Variants in RAP1A observed in about 807,000 individuals in gnomAD.
The protein encoded by RAP1A is ras-related protein Rap-1A.
In RAP1A, 6 loss-of-function variants were observed where a neutral mutation model predicts 26.4. That is an observed-to-expected ratio of 0.23 (90% confidence interval 0.12 to 0.45). RAP1A has a LOEUF of 0.45. Ranked by LOEUF, RAP1A falls within the 20% of genes least tolerant of loss-of-function variation. The pLI, the probability that RAP1A is intolerant of heterozygous loss-of-function variation, is 0.99. For missense variants in RAP1A, 121 were observed against 217.2 expected, an observed-to-expected ratio of 0.56 and a Z score of 2.78; for synonymous variants, 73 against 79.4, an observed-to-expected ratio of 0.92 and a Z score of 0.43.
At chr1:111,689,205 T>C (rs1472431358) in intron 1 of RAP1A, among the ~76,000 whole-genome samples, 1 of 152,164 alleles carries the variant, frequency 6.6e-6, no homozygotes, top group East Asian at 1.9e-4. Flanking sequence ...CCATTCCAGT[T>C]ACATATATAT....
intron 7 of RAP1A, 111 bp downstream of exon 7, chr1:111,709,375 C>A: frequency 8.1e-7 from 1 of 1,241,424 alleles, no homozygotes; most frequent in Non-Finnish European, 1.1e-6. Context: ...GCTTCTGTAA[C>A]TTGTAAATGT....
chr1:111,624,235 C>CT (rs1659320594), intron 1 of RAP1A, among the ~76,000 whole-genome samples: 2 of 152,078 alleles, frequency 1.3e-5, no homozygotes, highest in Admixed American at 6.5e-5. Flanking sequence ...AGATTCATAT[C>CT]TTATGAAAAA....
At chr1:111,601,315 A>G (rs532967546) in intron 1 of RAP1A, among the ~76,000 whole-genome samples, 2 of 152,202 alleles carry the variant, frequency 1.3e-5, no homozygotes, top group Admixed American at 6.6e-5. Flanking sequence ...CATACCAGAG[A>G]GTGGTAACCC....
intron 1 of RAP1A, among the ~76,000 whole-genome samples, chr1:111,577,981 T>C (rs1250121537): frequency 6.6e-6 from 1 of 152,170 alleles, no homozygotes; most frequent in Non-Finnish European, 1.5e-5. Flanking sequence ...CACAGTCACT[T>C]AGAGGGAGAC....
intron 1 of RAP1A, among the ~76,000 whole-genome samples, chr1:111,688,293 G>GTA (rs1331782892): frequency 0.17 from 22,936 of 132,654 alleles, 2,661 homozygotes; most frequent in East Asian, 0.21. Context: ...GTGTGTGTGT[G>GTA]TGTGTGTATA....
chr1:111,565,759 G>A (rs1448017300), intron 1 of RAP1A, among the ~76,000 whole-genome samples: 1 of 152,008 alleles, frequency 6.6e-6, no homozygotes, highest in African/African-American at 2.4e-5. Flanking sequence ...TGTTTTGTTA[G>A]TGCTCATGTA....
chr1:111,617,723 C>T (rs1159940187), upstream of RAP1A, among the ~76,000 whole-genome samples: 1 of 151,376 alleles, frequency 6.6e-6, no homozygotes, highest in Non-Finnish European at 1.5e-5. Flanking sequence ...TGTGAGCCAC[C>T]ACGCCTGGCC....
At chr1:111,602,614 C>T (rs1316937384) in intron 1 of RAP1A, among the ~76,000 whole-genome samples, 2 of 152,152 alleles carry the variant, frequency 1.3e-5, no homozygotes, top group Non-Finnish European at 2.9e-5. Context: ...AGGAAACAAA[C>T]ATCTACTGCT....
chr1:111,631,455 G>C (rs1659565889), intron 1 of RAP1A, among the ~76,000 whole-genome samples: 1 of 152,070 alleles, frequency 6.6e-6, no homozygotes, highest in Non-Finnish European at 1.5e-5. Context: ...TATTTAATTT[G>C]CACAGTAAAT....
chr1:111,676,309 T>A (rs1661122305), intron 1 of RAP1A, among the ~76,000 whole-genome samples: 1 of 152,128 alleles, frequency 6.6e-6, no homozygotes, highest in Non-Finnish European at 1.5e-5. Flanking sequence ...TGAGCCGAGA[T>A]CATGCCACTC....
At chr1:111,648,686 C>T in intron 1 of RAP1A, 3 of 552,478 alleles carry the variant, frequency 5.4e-6, no homozygotes, top group Non-Finnish European at 1.0e-5. Flanking sequence ...CTGTATGTCT[C>T]AGCTCTGTGA....
intron 1 of RAP1A, among the ~76,000 whole-genome samples, chr1:111,623,673 T>C (rs1165086461): frequency 6.6e-6 from 1 of 152,214 alleles, no homozygotes; most frequent in Non-Finnish European, 1.5e-5. Context: ...CCTCCCAGAA[T>C]GCTGGACTCC....
At chr1:111,588,120 C>G (rs1658413724) in intron 1 of RAP1A, among the ~76,000 whole-genome samples, 1 of 152,186 alleles carries the variant, frequency 6.6e-6, no homozygotes, top group African/African-American at 2.4e-5. Flanking sequence ...GCTTCTCTTC[C>G]TGCCTCAGGT....
At chr1:111,548,651 G>T (rs1657129887) in intron 1 of RAP1A, among the ~76,000 whole-genome samples, 2 of 152,180 alleles carry the variant, frequency 1.3e-5, no homozygotes, top group Admixed American at 1.3e-4. Flanking sequence ...TCACAAACAA[G>T]ATTAATTTTT....
At chr1:111,690,697 A>G (rs1396296285) in intron 1 of RAP1A, among the ~76,000 whole-genome samples, 1 of 152,198 alleles carries the variant, frequency 6.6e-6, no homozygotes, top group Non-Finnish European at 1.5e-5. Flanking sequence ...TCCTGTTTTT[A>G]TACCTTTTAA....
At chr1:111,659,511 C>CTT (rs371417275) in intron 1 of RAP1A, among the ~76,000 whole-genome samples, 13 of 141,646 alleles carry the variant, frequency 9.2e-5, no homozygotes, top group Non-Finnish European at 1.7e-4. Flanking sequence ...GTGACAGTCT[C>CTT]TTTTTTTTTT....
chr1:111,648,437 T>C, intron 1 of RAP1A: 1 of 572,252 alleles, frequency 1.7e-6, no homozygotes, highest in South Asian at 1.6e-5. Flanking sequence ...CAGCAGGTGG[T>C]GGTAGGTGGC....
intron 1 of RAP1A, among the ~76,000 whole-genome samples, chr1:111,595,329 G>A (rs1033319927): frequency 2.6e-5 from 4 of 152,204 alleles, no homozygotes; most frequent in South Asian, 2.1e-4. Flanking sequence ...CAGATTCCTC[G>A]GGCTGTAGGA....
chr1:111,648,788 C>A, intron 1 of RAP1A: 1 of 644,942 alleles, frequency 1.6e-6, no homozygotes, highest in Non-Finnish European at 2.9e-6. Flanking sequence ...TGTCTAGCTC[C>A]TGTCGATTCT....
Sources: gnomAD v4.1 joint callset for allele counts (sites outside exome capture counted in the v4.1 genomes callset) on GRCh38, gnomAD v4.1.1 for gene constraint, MANE v1.5 for transcripts, NCBI Gene and HGNC (gene_info 2026-07-23, HGNC 2026-07-21) for gene names.